RRP15: variants seen among roughly 807,000 people sequenced by gnomAD.
The protein encoded by RRP15 is RRP15-like protein.
Under a neutral mutation model 27.1 loss-of-function variants are expected in RRP15, and 18 were observed. The ratio of observed to expected loss-of-function variants is 0.66; its 90% CI spans 0.46 to 0.98. The LOEUF is 0.98. Ranked by LOEUF, RRP15 falls within the 50% of genes least tolerant of loss-of-function variation. The pLI, the probability that RRP15 is intolerant of heterozygous loss-of-function variation, is 0.00. For synonymous variants in RRP15, 107 were observed against 109.4 expected, an observed-to-expected ratio of 0.98 and a Z score of 0.14; for missense variants, 359 against 337.8, an observed-to-expected ratio of 1.06 and a Z score of -0.49.
In RRP15 at chr1:218,331,237, C is replaced by G. The variant is rs1480270976; in HGVS notation, c.*146C>G. ...TTCATATTTCCCCTTTTCATGTACA[C>G]TTTATATATACTTCATTAAAATTAT... is the stretch of plus-strand genomic sequence containing the variant. On this transcript the variant is annotated 3_prime_UTR_variant, in exon 5 of 5. Transcript: ENST00000366932. 1.7e-6 allele frequency: 1 copy of G among 583,348 alleles called. No homozygotes were observed. Among genetic ancestry groups the G allele is most frequent in the African/African-American group, 1.9e-5 (1 of 53,280 alleles). The allele number at this position is 583,348 out of a possible 1,614,324, so 36.1% of individuals were successfully genotyped here. A position where few individuals can be genotyped will look rare whatever the true frequency, so the allele number is the denominator to read the frequency against.
intron 4 of RRP15, among the ~76,000 whole-genome samples, chr1:218,320,988 T>G (rs928512252): frequency 6.6e-6 from 1 of 152,174 alleles, no homozygotes; most frequent in African/African-American, 2.4e-5. Flanking sequence ...GAGACTATAT[T>G]GTTTCTTTCT....
intron 4 of RRP15, among the ~76,000 whole-genome samples, chr1:218,330,134 A>G (rs1029907251): frequency 2.0e-5 from 3 of 152,144 alleles, no homozygotes; most frequent in Non-Finnish European, 4.4e-5. Flanking sequence ...TGTTTCTAAC[A>G]TAGTGCTTGA....
chr1:218,314,367 A>G (rs949483700), intron 4 of RRP15, among the ~76,000 whole-genome samples: 4 of 151,876 alleles, frequency 2.6e-5, no homozygotes, highest in African/African-American at 9.7e-5. Context: ...AGAGGCATTA[A>G]TTTTTTTTCT....
chr1:218,322,287 G>GA (rs1292741854), intron 4 of RRP15, among the ~76,000 whole-genome samples: 2 of 152,140 alleles, frequency 1.3e-5, no homozygotes, highest in East Asian at 3.8e-4. Context: ...ATCTGGCCAG[G>GA]AATCTTAAGA....
chr1:218,308,076 T>TC (rs1426890438), intron 4 of RRP15, among the ~76,000 whole-genome samples: 3 of 131,594 alleles, frequency 2.3e-5, no homozygotes, highest in Non-Finnish European at 4.9e-5. Context: ...TTTTTTTTTT[T>TC]TTTTTTTTTT....
chr1:218,314,705 T>C (rs1488889102), intron 4 of RRP15, among the ~76,000 whole-genome samples: 1 of 151,990 alleles, frequency 6.6e-6, no homozygotes, highest in Non-Finnish European at 1.5e-5. Context: ...TAGAAAATGA[T>C]TTTTTGGCGG....
intron 1 of RRP15, among the ~76,000 whole-genome samples, chr1:218,296,579 G>A (rs995581475): frequency 2.0e-5 from 3 of 151,748 alleles, no homozygotes; most frequent in African/African-American, 7.3e-5. Flanking sequence ...CTGGGAGATA[G>A]GCTGCAGTGA....
chr1:218,285,744 A>G (rs1655535569), intron 1 of RRP15, among the ~76,000 whole-genome samples: 3 of 152,156 alleles, frequency 2.0e-5, no homozygotes, highest in African/African-American at 2.4e-5. Flanking sequence ...AGAAACTTAC[A>G]GTAGCAAAGG....
intron 1 of RRP15, among the ~76,000 whole-genome samples, chr1:218,292,312 T>TA (rs1402145536): frequency 2.6e-5 from 4 of 152,168 alleles, no homozygotes; most frequent in Non-Finnish European, 4.4e-5. Context: ...ATTCAACACA[T>TA]ATTTTCTCTG....
At chr1:218,323,352 G>A (rs1258834517) in intron 4 of RRP15, among the ~76,000 whole-genome samples, 2 of 152,220 alleles carry the variant, frequency 1.3e-5, no homozygotes, top group South Asian at 2.1e-4. Flanking sequence ...TTTATTGAGC[G>A]ATAGAACAGA....
intron 1 of RRP15, among the ~76,000 whole-genome samples, chr1:218,289,752 A>G (rs1377438637): frequency 6.6e-6 from 1 of 152,148 alleles, no homozygotes; most frequent in Non-Finnish European, 1.5e-5. Flanking sequence ...GTATGATCTC[A>G]GGTCACCCCA....
intron 1 of RRP15, among the ~76,000 whole-genome samples, chr1:218,289,619 A>G (rs529863830): frequency 2.0e-5 from 3 of 152,258 alleles, no homozygotes; most frequent in East Asian, 3.9e-4. Context: ...TGTTGCTTCC[A>G]TATCTATTTG....
chr1:218,336,290 G>A lies in RRP15; in HGVS notation c.*5199G>A, dbSNP rs949130714. On this transcript the variant is annotated 3_prime_UTR_variant, in exon 5 of 5. Transcript: ENST00000366932. ...CACACAAAACCCTGAAGAGCACAATGAGCATTATTAGCACAGCCAATTTAA... is the reference window on the plus strand; with the variant it reads ...CACACAAAACCCTGAAGAGCACAATAAGCATTATTAGCACAGCCAATTTAA... 1.3e-5 allele frequency: 2 copies of A among 152,508 alleles called. No homozygotes were observed. The highest frequency in any genetic ancestry group is 2.4e-5 in the African/African-American group (1 of 41,398). The allele number at this position is 152,508 out of a possible 1,614,324, so 9.4% of individuals were successfully genotyped here. A position where few individuals can be genotyped will look rare whatever the true frequency, so the allele number is the denominator to read the frequency against.
chr1:218,297,080 A>G (rs1655729424), intron 1 of RRP15, among the ~76,000 whole-genome samples: 1 of 152,188 alleles, frequency 6.6e-6, no homozygotes, highest in African/African-American at 2.4e-5. Flanking sequence ...ATAGCAACCC[A>G]GTGAAGTAGT....
At position 218,293,996 on chromosome 1, in the gene RRP15, T is replaced by C. The variant is rs60548361; in HGVS notation, c.140-8298T>C. 8.4e-3 allele frequency among the ~76,000 whole-genome samples: 1,279 copies of C among 152,254 alleles called. 20 individuals are homozygous for C. Among genetic ancestry groups the C allele is most frequent in the African/African-American group, 0.029 (1,224 of 41,540 alleles). On this transcript the variant is annotated intron_variant, in intron 1 of 4. Coordinates refer to ENST00000366932, the MANE Select transcript of RRP15 (RefSeq NM_016052.4). Reference sequence around the variant, plus strand: ...CAGTTATATATATCAACTTGAATAATAGCAAAATGACTAAGATTGAATTTT... The same window carrying C: ...CAGTTATATATATCAACTTGAATAACAGCAAAATGACTAAGATTGAATTTT...
intron 4 of RRP15, among the ~76,000 whole-genome samples, chr1:218,317,860 C>T (rs914526918): frequency 2.0e-5 from 3 of 151,502 alleles, no homozygotes; most frequent in East Asian, 1.9e-4. Flanking sequence ...CTCAGCCTCG[C>T]GAGTAGCTAG....
At chr1:218,329,128 TG>T (rs1656323859) in intron 4 of RRP15, among the ~76,000 whole-genome samples, 1 of 147,888 alleles carries the variant, frequency 6.8e-6, no homozygotes, top group Non-Finnish European at 1.5e-5. Flanking sequence ...TGGCTGGGTG[TG>T]GTGGCTCTTG....
chr1:218,307,534 T>G lies in RRP15; in HGVS notation c.607T>G (p.Ser203Ala). ...SSMRKRAKLI[S>A]TVSKKDFISV... ...TATGAGAAAGCGTGCTAAGTTGATA[T>G]CAACTGTTTCCAAGAAAGATTTCAT... is the stretch of plus-strand genomic sequence containing the variant. The change falls in exon 4 of 5, where the codon TCA (serine) becomes GCA (alanine). Residue 203 changes from serine (S) to alanine (A), a missense_variant. Physicochemically the swap from Ser to Ala is moderately conservative, Grantham distance 99. Coordinates refer to ENST00000366932, the MANE Select transcript of RRP15 (RefSeq NM_016052.4). 2 of 1,613,886 alleles carry G rather than the reference T, an allele frequency of 1.2e-6. No individual in the cohort carries two copies. Among genetic ancestry groups the G allele is most frequent in the Non-Finnish European group, 8.5e-7 (1 of 1,179,860 alleles).
At chr1:218,313,773 A>G (rs1656038245) in intron 4 of RRP15, among the ~76,000 whole-genome samples, 1 of 152,192 alleles carries the variant, frequency 6.6e-6, no homozygotes, top group African/African-American at 2.4e-5. Context: ...GGGAAGATGA[A>G]TAGTCTATTT....
Sources: gnomAD v4.1 joint callset for allele counts (sites outside exome capture counted in the v4.1 genomes callset) on GRCh38, gnomAD v4.1.1 for gene constraint, MANE v1.5 for transcripts, NCBI Gene and HGNC (gene_info 2026-07-23, HGNC 2026-07-21) for gene names.